The following AKAP13 variants were observed in gnomAD, a reference collection of about 807,000 sequenced individuals.
AKAP13 encodes A-kinase anchoring protein 13, also known as A-kinase anchor protein 13.
A neutral mutation model predicts 264.5 loss-of-function variants in AKAP13; 80 were observed. That is an observed-to-expected ratio of 0.30 (90% CI 0.25 to 0.36). The LOEUF (loss-of-function observed/expected upper bound fraction) is 0.36. AKAP13 is among the 10% of genes least tolerant of loss of function. The pLI is 1.00. For synonymous variants in AKAP13, 1,380 were observed against 1,250.2 expected, an observed-to-expected ratio of 1.10 and a Z score of -2.19; for missense variants, 3,712 against 3,435.2, an observed-to-expected ratio of 1.08 and a Z score of -2.01.
At chr15:85,696,770 T>C (rs533625640) in intron 17 of AKAP13, among the ~76,000 whole-genome samples, 1 of 152,320 alleles carries the variant, frequency 6.6e-6, no homozygotes, top group South Asian at 2.1e-4. Flanking sequence ...CTGAGGGAAC[T>C]CAGAGCAGTA....
At chr15:85,560,363 TC>T (rs2078326733) in intron 5 of AKAP13, among the ~76,000 whole-genome samples, 1 of 151,950 alleles carries the variant, frequency 6.6e-6, no homozygotes, top group Non-Finnish European at 1.5e-5. Context: ...CCCAGCCTGG[TC>T]TTGAACTCTT....
At chr15:85,452,637 C>G (rs551249217) in intron 1 of AKAP13, among the ~76,000 whole-genome samples, 1 of 152,164 alleles carries the variant, frequency 6.6e-6, no homozygotes, top group East Asian at 1.9e-4. Flanking sequence ...GAGGGTATGT[C>G]AGGTATCTTT....
intron 2 of AKAP13, among the ~76,000 whole-genome samples, chr15:85,520,073 T>C (rs1449414245): frequency 5.3e-5 from 8 of 152,200 alleles, no homozygotes; most frequent in Non-Finnish European, 8.8e-5. Context: ...TGTAATCTTT[T>C]GTTATGGTTA....
At chr15:85,446,265 A>G (rs1353315139) in intron 1 of AKAP13, among the ~76,000 whole-genome samples, 3 of 152,232 alleles carry the variant, frequency 2.0e-5, no homozygotes, top group African/African-American at 7.2e-5. Context: ...AGACAACAGC[A>G]GGGAATAGGT....
intron 1 of AKAP13, among the ~76,000 whole-genome samples, chr15:85,421,448 A>G (rs897492167): frequency 3.3e-5 from 5 of 152,384 alleles, no homozygotes; most frequent in Admixed American, 6.5e-5. Flanking sequence ...AGGGGCTTGA[A>G]TTAGAGCACA....
At chr15:85,737,919 G>T (rs563609238) in intron 33 of AKAP13, among the ~76,000 whole-genome samples, 2 of 152,046 alleles carry the variant, frequency 1.3e-5, no homozygotes, top group Non-Finnish European at 2.9e-5. Flanking sequence ...GGTTACAGGC[G>T]TGAGTCACTG....
intron 1 of AKAP13, among the ~76,000 whole-genome samples, chr15:85,424,501 G>C (rs1117537): frequency 0.092 from 13,980 of 152,240 alleles, 858 homozygotes; most frequent in Middle Eastern, 0.17. Flanking sequence ...CCTTACTCTG[G>C]ATTGGCCTTT....
Position 85,579,020 on chromosome 15 carries a change from C to T in AKAP13, c.952C>T (p.Leu318Phe), listed in dbSNP as rs368654833. The change falls in exon 7 of 37, where the codon CTT becomes TTT. Residue 318 changes from leucine to phenylalanine, a missense_variant. By Grantham distance (22) the Leu-to-Phe change is conservative. Transcript: ENST00000394518. ...TGCCCCAGAGACAGATGGCCAGTTT[C>T]TTCCCTGTGCACCGGAGCCCACGGA... ...SSAPETDGQF[L>F]PCAPEPTDPQ... 5 of 1,614,020 alleles carry T rather than the reference C, an allele frequency of 3.1e-6. No individual in the cohort carries two copies. The highest frequency in any genetic ancestry group is 4.2e-6 in the Non-Finnish European group (5 of 1,180,038).
chr15:85,553,107 A>G (rs1044907437), intron 5 of AKAP13, among the ~76,000 whole-genome samples: 13 of 98,326 alleles, frequency 1.3e-4, no homozygotes, highest in Admixed American at 7.1e-4. Flanking sequence ...TTTTTTGGAG[A>G]CGGAGTTTCG....
chr15:85,396,103 C>T (rs555004759), intron 1 of AKAP13, among the ~76,000 whole-genome samples: 14 of 151,994 alleles, frequency 9.2e-5, no homozygotes, highest in South Asian at 4.2e-4. Context: ...TATCCTGTTG[C>T]GAATAAATGA....
chr15:85,653,840 A>G lies in AKAP13; in HGVS notation c.4375-1577A>G, dbSNP rs558511285. Among the ~76,000 whole-genome samples the G allele has an allele frequency of 1.1e-4, 16 of 152,312 alleles. No homozygotes were observed. The South Asian group carries it at 2.9e-3, about 28-fold the overall frequency. On this transcript the variant is annotated intron_variant, in intron 10 of 36. Coordinates refer to ENST00000394518, the MANE Select transcript of AKAP13 (RefSeq NM_007200.5). Reference sequence around the variant, plus strand: ...TGTCCACATCTTAAGAGTATGATCAAACATCTCTTAGACACTTCTTTTGGC... The same window carrying G: ...TGTCCACATCTTAAGAGTATGATCAGACATCTCTTAGACACTTCTTTTGGC...
chr15:85,534,110 T>G, intron 4 of AKAP13: 1 of 462,786 alleles, frequency 2.2e-6, no homozygotes, highest in East Asian at 3.3e-5. Context: ...CCAAGGAGAG[T>G]GGCACGTCAC....
At chr15:85,597,529 A>G (rs2079872323) in intron 8 of AKAP13, among the ~76,000 whole-genome samples, 1 of 152,186 alleles carries the variant, frequency 6.6e-6, no homozygotes, top group African/African-American at 2.4e-5. Flanking sequence ...CATTAAGAAA[A>G]ATTATGGGAA....
chr15:85,719,424 A>G, intron 23 of AKAP13, 98 bp downstream of exon 23: 1 of 1,465,318 alleles, frequency 6.8e-7, no homozygotes, highest in South Asian at 1.4e-5. Flanking sequence ...TCTACCATTT[A>G]TTATCTGTGT....
chr15:85,562,552 G>T (rs2078419455), intron 5 of AKAP13, among the ~76,000 whole-genome samples: 3 of 109,638 alleles, frequency 2.7e-5, no homozygotes, highest in Admixed American at 1.1e-4. Context: ...GTGACAGAGT[G>T]AGAATCTGCC....
chr15:85,576,454 A>G (rs985528106), intron 6 of AKAP13, among the ~76,000 whole-genome samples: 2 of 152,214 alleles, frequency 1.3e-5, no homozygotes, highest in African/African-American at 4.8e-5. Flanking sequence ...GCCAGACATA[A>G]AAACATTACA....
At chr15:85,382,806 C>T (rs2070359100) in intron 1 of AKAP13, among the ~76,000 whole-genome samples, 1 of 152,192 alleles carries the variant, frequency 6.6e-6, no homozygotes, top group Non-Finnish European at 1.5e-5. Flanking sequence ...AGTGCAGGCA[C>T]GGTACGTGTT....
At chr15:85,602,866 A>G (rs1450054317) in intron 8 of AKAP13, among the ~76,000 whole-genome samples, 2 of 152,238 alleles carry the variant, frequency 1.3e-5, no homozygotes, top group Admixed American at 6.5e-5. Context: ...ATATTGATTC[A>G]CTGAGTAATA....
intron 1 of AKAP13, among the ~76,000 whole-genome samples, chr15:85,441,344 T>A (rs1027634176): frequency 6.6e-6 from 1 of 152,218 alleles, no homozygotes; most frequent in Non-Finnish European, 1.5e-5. Context: ...TAAAAAAATT[T>A]ACTGTTTTTG....
Sources: gnomAD v4.1 joint callset for allele counts (sites outside exome capture counted in the v4.1 genomes callset) on GRCh38, gnomAD v4.1.1 for gene constraint, MANE v1.5 for transcripts, NCBI Gene and HGNC (gene_info 2026-07-23, HGNC 2026-07-21) for gene names.